Variants in HPS1 observed in about 807,000 individuals in gnomAD.
The protein encoded by HPS1 is HPS1 biogenesis of lysosomal organelles complex 3 subunit 1, also known as BLOC-3 complex member HPS1.
In HPS1, 59 loss-of-function variants were observed where a neutral mutation model predicts 90.6. That is an observed-to-expected ratio of 0.65 (90% CI 0.53 to 0.81). The LOEUF is 0.81. Among genes scored for constraint, HPS1 ranks in the 30% least tolerant of loss-of-function variants. HPS1 has a pLI of 0.00. For synonymous variants in HPS1, 388 were observed against 384.4 expected (o/e 1.01, Z -0.11); for missense variants, 849 against 896.7 (o/e 0.95, Z 0.68).
chr10:98,414,751 C>T (rs1843930463), downstream of HPS1: 2 of 463,280 alleles, frequency 4.3e-6, no homozygotes, highest in African/African-American at 2.0e-5. Context: ...CTGTCATTCT[C>T]CATGGGAAGA....
Position 98,431,144 on chromosome 10 carries a change from C to T in HPS1, c.655G>A (p.Ala219Thr), listed in dbSNP as rs755619001. 1.2e-5 allele frequency: 20 copies of T among 1,613,990 alleles called. No homozygotes were observed. Among genetic ancestry groups the T allele is most frequent in the Non-Finnish European group, 1.5e-5 (18 of 1,180,018 alleles). Residue 219 changes from alanine (A) to threonine (T), a missense_variant, in exon 7 of 20, where the codon GCA becomes ACA. Transcript: ENST00000361490. ...AFLLVHSKLL[A>T]FYSSHSASSL... is the part of the protein sequence containing the mutation. The stretch of plus-strand genomic sequence containing the variant: ...CCTTGAGCTCACCTAGAGTAGAATG[C>T]CAGCAGCTTGGAGTGCACGAGCAGG...
chr10:98,435,886 G>C lies in HPS1; in HGVS notation c.118-114C>G. ...GTTCCATAGTGTTAGACCCTCCTGG[G>C]AGGGTATCACTGTCCTGGTAGGGAG... On this transcript the variant is annotated intron_variant, in intron 3 of 19. Transcript: ENST00000361490. The surrounding 1 kb of genome is among the most constrained non-coding windows in gnomAD (Gnocchi z 4.3). The C allele has an allele frequency of 7.4e-7, 1 of 1,352,398 alleles. No homozygotes were observed. The highest frequency in any genetic ancestry group is 1.4e-5 in the African/African-American group (1 of 69,330). The allele number at this position is 1,352,398 out of a possible 1,614,324, so 83.8% of individuals were successfully genotyped here.
chr10:98,445,185 T>A lies in HPS1; in HGVS notation c.-1+115A>T, dbSNP rs1939270477. 1 of 152,358 alleles carries A rather than the reference T, an allele frequency of 6.6e-6. No homozygotes were observed. Among genetic ancestry groups the A allele is most frequent in the Non-Finnish European group, 1.5e-5 (1 of 68,246 alleles). The allele number at this position is 152,358 out of a possible 1,614,324, so 9.4% of individuals were successfully genotyped here. ...GGGCTGGGGAGGGGATGAGCAGGTG[T>A]GCAGAGCCCAGTAGCACTCAGTCCA... On this transcript the variant is annotated intron_variant, in intron 2 of 19. Coordinates refer to ENST00000361490, the MANE Select transcript of HPS1 (RefSeq NM_000195.5). This position sits in a 1 kb window ranked among gnomAD's most constrained non-coding sequence, Gnocchi z 4.5.
chr10:98,417,081 C>CACCCTGGGACGGAGGTGCCATCGCTTTAA lies in HPS1; in HGVS notation c.*454_*482dup. ...CTACCACACTGGGTAATCCTCACAC[C>CACCCTGGGACGGAGGTGCCATCGCTTTAA]ACCCTGGGACGGAGGTGCCATCGCT... On this transcript the variant is annotated 3_prime_UTR_variant, in exon 20 of 20. Transcript: ENST00000361490. This position sits in a 1 kb window ranked among gnomAD's most constrained non-coding sequence, Gnocchi z 4.2. 6.4e-6 allele frequency: 1 copy of CACCCTGGGACGGAGGTGCCATCGCTTTAA among 156,080 alleles called. No homozygotes were observed. The highest frequency in any genetic ancestry group is 6.4e-5 in the Admixed American group (1 of 15,748). 9.7% of individuals were successfully genotyped at this position (156,080 alleles called of 1,614,324 possible).
At chr10:98,433,827 C>T in intron 6 of HPS1, 156 bp downstream of exon 6, 1 of 1,072,744 alleles carries the variant, frequency 9.3e-7, no homozygotes, top group Non-Finnish European at 1.4e-6. Context: ...GTACCCAACC[C>T]TCCATATGGC....
At chr10:98,433,155 C>A (rs1394015190) in intron 6 of HPS1, among the ~76,000 whole-genome samples, 1 of 151,650 alleles carries the variant, frequency 6.6e-6, no homozygotes, top group Non-Finnish European at 1.5e-5. Flanking sequence ...TTGCTTGAAC[C>A]CGGGAAGCAG....
At chr10:98,429,929 A>G (rs1459839990) in intron 8 of HPS1, 40 bp from the exon 9 acceptor site, 1 of 1,567,428 alleles carries the variant, frequency 6.4e-7, no homozygotes, top group Non-Finnish European at 8.7e-7. Context: ...CTCCTATCTG[A>G]CCTGGCTCCC....
chr10:98,440,523 A>G (rs1938231601), intron 3 of HPS1, among the ~76,000 whole-genome samples: 3 of 151,392 alleles, frequency 2.0e-5, no homozygotes, highest in East Asian at 1.9e-4. Context: ...TGGCAAGTGG[A>G]AAAAAAAACA....
At chr10:98,422,103 T>TAA (rs888937984) in intron 17 of HPS1, among the ~76,000 whole-genome samples, 2 of 151,946 alleles carry the variant, frequency 1.3e-5, no homozygotes, top group African/African-American at 4.8e-5. Flanking sequence ...ATAAGGAGAA[T>TAA]AAAAGAATTT....
chr10:98,422,051 C>T (rs1844948374), intron 17 of HPS1, among the ~76,000 whole-genome samples: 2 of 151,774 alleles, frequency 1.3e-5, no homozygotes, highest in South Asian at 2.1e-4. Context: ...GGGTCCTCCC[C>T]CTATCAAAAA....
chr10:98,415,236 A>C, downstream of HPS1: 3 of 1,422,192 alleles, frequency 2.1e-6, no homozygotes, highest in Non-Finnish European at 2.8e-6. Context: ...CAGGAAGAGG[A>C]GGAGCTGCAG....
In HPS1 at chr10:98,425,980, T is replaced by C. The variant is rs759317700; in HGVS notation, c.993A>G (p.Ala331=). The change falls in exon 12 of 20, where the codon GCA becomes GCG. Residue 331 remains alanine, a synonymous_variant. Transcript: ENST00000361490. ...GAACCAGTGTTTGGAGGGTGTCCTC[T>C]GCTATCTACAGAGGAAGAAGAGCTG... ...GTPPMDALQI[A]EDTLQTLVPH... The C allele has an allele frequency of 6.2e-7, 1 of 1,613,974 alleles. No homozygotes were observed. The highest frequency in any genetic ancestry group is 8.5e-7 in the Non-Finnish European group (1 of 1,179,940).
intron 3 of HPS1, among the ~76,000 whole-genome samples, chr10:98,436,491 T>C (rs369566603): frequency 4.3e-4 from 65 of 152,316 alleles, no homozygotes; most frequent in African/African-American, 1.3e-3. Flanking sequence ...TTCCCTCTAT[T>C]TTTAAGTATG....
chr10:98,424,520 G>T (rs1307132087), intron 13 of HPS1, 146 bp from the exon 14 acceptor site: 3 of 718,026 alleles, frequency 4.2e-6, no homozygotes, highest in Non-Finnish European at 7.5e-6. Flanking sequence ...ACCCTGGCAG[G>T]CCCCACCAGC....
rs1213101059 is a variant in HPS1, at chr10:98,418,226, A to G, written c.1889T>C (p.Val630Ala). ...GATAGGCACTGAGTCGTCGGAGAGG[A>G]CGGGCACCTCGATCATCTGGAGTTT... Reference protein sequence around the residue: ...GYKLQMIEVPVLSDDSVPIGM... With the variant: ...GYKLQMIEVPALSDDSVPIGM... The change falls in exon 19 of 20, where the codon GTC becomes GCC. Residue 630 changes from valine to alanine, a missense_variant. Val to Ala is a moderately conservative substitution (Grantham distance 64, BLOSUM62 0). Transcript: ENST00000361490. 9 of 1,609,982 alleles carry G rather than the reference A, an allele frequency of 5.6e-6. No individual in the cohort carries two copies. The highest frequency in any genetic ancestry group is 7.6e-6 in the Non-Finnish European group (9 of 1,177,476).
At chr10:98,437,760 T>C (rs1459933445) in intron 3 of HPS1, among the ~76,000 whole-genome samples, 2 of 152,218 alleles carry the variant, frequency 1.3e-5, no homozygotes, top group African/African-American at 2.4e-5. Context: ...GGCATGACTA[T>C]AGCTTTTTCT....
At chr10:98,415,518 G>T (rs76903848), downstream of HPS1, among the ~76,000 whole-genome samples, 10 of 152,204 alleles carry the variant, frequency 6.6e-5, no homozygotes, top group Admixed American at 5.2e-4. Flanking sequence ...AGTGGAGCTC[G>T]AAAGGGCCCT....
chr10:98,421,430 A>C (rs990067102), intron 17 of HPS1, among the ~76,000 whole-genome samples: 1 of 152,262 alleles, frequency 6.6e-6, no homozygotes, highest in African/African-American at 2.4e-5. Context: ...TGGTTCAATA[A>C]ATTATGTTAC....
rs758417898 is a variant in HPS1, at chr10:98,425,897, T to C, written c.1076A>G (p.Glu359Gly). Residue 359 changes from glutamate to glycine, a missense_variant, in exon 12 of 20, where the codon GAA (glutamate) becomes GGA (glycine). By Grantham distance (98) the Glu-to-Gly change is moderately conservative. Transcript: ENST00000361490. ...RRIFLDANVK[E>G]SYCPLVPHTM... is the part of the protein sequence containing the mutation. ...GTGGGGCACTAGGGGGCAGTAGCTT[T>C]CCTTCACGTTGGCATCCAGGAAGAT... is the stretch of plus-strand genomic sequence containing the variant. 3.1e-6 allele frequency: 5 copies of C among 1,614,016 alleles called. No individual in the cohort carries two copies. The African/African-American group carries it at 6.7e-5, about 22-fold the overall frequency.
Sources: gnomAD v4.1 joint callset for allele counts (sites outside exome capture counted in the v4.1 genomes callset) on GRCh38, gnomAD v4.1.1 for gene constraint, Gnocchi (gnomAD v3.1) non-coding constraint, MANE v1.5 for transcripts, NCBI Gene and HGNC (gene_info 2026-07-23, HGNC 2026-07-21) for gene names.